PIGG: variants seen among roughly 807,000 people sequenced by gnomAD.
PIGG encodes phosphatidylinositol glycan anchor biosynthesis class G (EMM blood group), also known as GPI ethanolamine phosphate transferase 2, catalytic subunit.
A neutral mutation model predicts 83.2 loss-of-function variants in PIGG; 70 were observed. The ratio of observed to expected loss-of-function variants is 0.84; its 90% CI spans 0.69 to 1.03. The LOEUF is 1.03. Among genes scored for constraint, PIGG ranks in the 50% least tolerant of loss-of-function variants. The pLI, the probability that PIGG is intolerant of heterozygous loss-of-function variation, is 0.00. For synonymous variants in PIGG, 532 were observed against 519.5 expected, an observed-to-expected ratio of 1.02 and a Z score of -0.33; for missense variants, 1,257 against 1,233.6, an observed-to-expected ratio of 1.02 and a Z score of -0.28.
intron 6 of PIGG, among the ~76,000 whole-genome samples, chr4:519,751 T>A (rs1468151350): frequency 8.6e-6 from 1 of 115,834 alleles, no homozygotes; most frequent in South Asian, 3.5e-4. Flanking sequence ...AGCAGTGGGG[T>A]GGGCCTGCAG....
At chr4:514,467 C>T (rs1438436860) in intron 5 of PIGG, among the ~76,000 whole-genome samples, 1 of 152,176 alleles carries the variant, frequency 6.6e-6, no homozygotes, top group Non-Finnish European at 1.5e-5. Context: ...CTTTGCTTTA[C>T]TACAGTTTAC....
intron 12 of PIGG, among the ~76,000 whole-genome samples, chr4:538,820 G>C (rs1042007544): frequency 6.6e-6 from 1 of 152,174 alleles, no homozygotes; most frequent in Non-Finnish European, 1.5e-5. Context: ...GTGTGTGTGG[G>C]GGGGGACATG....
chr4:509,034 TA>T, intron 5 of PIGG, 64 bp downstream of exon 5: 2 of 1,434,504 alleles, frequency 1.4e-6, no homozygotes, highest in Non-Finnish European at 1.9e-6. Flanking sequence ...AGTCTGGTTT[TA>T]ATTTTGAAAA....
chr4:524,687 T>C (rs1204722969), intron 9 of PIGG: 2 of 152,136 alleles, frequency 1.3e-5, no homozygotes, highest in African/African-American at 4.8e-5. Flanking sequence ...CTTTTTTTTT[T>C]TTCTGAAACG....
At chr4:506,676 C>A in intron 3 of PIGG, 1 of 428,302 alleles carries the variant, frequency 2.3e-6, no homozygotes, top group Non-Finnish European at 4.8e-6. Context: ...GATGAGCTAG[C>A]TGAGGGGTCA....
chr4:510,594 A>G (rs1721570546), intron 5 of PIGG, among the ~76,000 whole-genome samples: 1 of 152,200 alleles, frequency 6.6e-6, no homozygotes, highest in Non-Finnish European at 1.5e-5. Flanking sequence ...AGAGCTAGGA[A>G]TGGTGGGGGC....
At chr4:507,848 C>T (rs1720323984) in intron 4 of PIGG, among the ~76,000 whole-genome samples, 1 of 152,238 alleles carries the variant, frequency 6.6e-6, no homozygotes, top group African/African-American at 2.4e-5. Flanking sequence ...CTCCTGAAGA[C>T]CTTTTGTGCC....
intron 5 of PIGG, among the ~76,000 whole-genome samples, chr4:511,895 G>T (rs1560298881): frequency 2.0e-5 from 3 of 152,168 alleles, no homozygotes; most frequent in African/African-American, 7.2e-5. Context: ...TTTTCTTTCA[G>T]CACTTTGAAT....
intron 5 of PIGG, among the ~76,000 whole-genome samples, chr4:513,682 C>T (rs1190258203): frequency 3.3e-5 from 5 of 152,050 alleles, no homozygotes; most frequent in Admixed American, 1.3e-4. Flanking sequence ...AGGTAGAGAC[C>T]GGCGGTGAAA....
chr4:539,047 A>C (rs1731439858), intron 12 of PIGG, 106 bp from the exon 13 acceptor site: 6 of 712,630 alleles, frequency 8.4e-6, no homozygotes, highest in Non-Finnish European at 1.2e-5. Flanking sequence ...GGTGCCCTCT[A>C]CTCCAAGGGC....
At position 523,585 on chromosome 4, in the gene PIGG, C is replaced by T. The variant is rs1165191840; in HGVS notation, c.1741C>T (p.Leu581Phe). ...GGAGGAGCACCAGACCTGGTACTTC[C>T]TTGTGAACACCCTGTGTCTAGCTCT... ...VEEEHQTWYFLVNTLCLALSQ... is the reference protein window; with the variant it reads ...VEEEHQTWYFFVNTLCLALSQ... The change falls in exon 9 of 13, where the codon CTT (leucine) becomes TTT (phenylalanine). Residue 581 changes from leucine to phenylalanine, a missense_variant. Leu to Phe is a conservative substitution (Grantham distance 22). Coordinates refer to ENST00000453061, the MANE Select transcript of PIGG (RefSeq NM_001127178.3). 1 of 1,614,134 alleles carries T rather than the reference C, an allele frequency of 6.2e-7. No homozygotes were observed. The highest frequency in any genetic ancestry group is 8.5e-7 in the Non-Finnish European group (1 of 1,180,000).
At chr4:520,913 A>T (rs1034164313) in intron 6 of PIGG, 143 bp from the exon 7 acceptor site, 5 of 642,638 alleles carry the variant, frequency 7.8e-6, no homozygotes, top group African/African-American at 7.3e-5. Flanking sequence ...ACCCAAAGGA[A>T]TGATTGATCT....
intron 2 of PIGG, chr4:501,756 A>G (rs1717823079): frequency 6.5e-6 from 1 of 153,524 alleles, no homozygotes; most frequent in Non-Finnish European, 1.4e-5. Flanking sequence ...TTTATTGAGC[A>G]TCTACTGTGT....
At chr4:527,742 G>T in intron 10 of PIGG, 1 of 985,322 alleles carries the variant, frequency 1.0e-6, no homozygotes, top group Non-Finnish European at 1.2e-6. Flanking sequence ...GTTGATTGGC[G>T]GGAGGGCTCA....
At chr4:522,076 AG>A (rs1257703026) in intron 8 of PIGG, 135 bp downstream of exon 8, 24 of 895,626 alleles carry the variant, frequency 2.7e-5, no homozygotes, top group Middle Eastern at 2.1e-4. Context: ...TGCCCTGGAC[AG>A]GGGGCCTCAG....
chr4:528,441 GGGCA>G lies in PIGG; in HGVS notation c.2261+1212_2261+1215del. The G allele has an allele frequency of 1.0e-6, 1 of 985,386 alleles. No individual in the cohort carries two copies. The highest frequency in any genetic ancestry group is 1.2e-6 in the Non-Finnish European group (1 of 829,910). 61.0% of individuals were successfully genotyped at this position (985,386 alleles called of 1,614,324 possible). A position where few individuals can be genotyped will look rare whatever the true frequency, so the allele number is the denominator to read the frequency against. The stretch of plus-strand genomic sequence containing the variant: ...CTGAGGGGTGGCCGTGGGGCTCCGG[GGGCA>G]CCCCTGGAAGTACTTCCTGGCTGAG... On this transcript the variant is annotated intron_variant, in intron 10 of 12. Coordinates refer to ENST00000453061, the MANE Select transcript of PIGG (RefSeq NM_001127178.3). This position sits in a 1 kb window ranked among gnomAD's most constrained non-coding sequence, Gnocchi z 4.8.
chr4:505,783 G>A lies in PIGG; in HGVS notation c.426G>A (p.Leu142=). The A allele has an allele frequency of 1.2e-6, 2 of 1,613,644 alleles. No homozygotes were observed. Among genetic ancestry groups the A allele is most frequent in the East Asian group, 2.2e-5 (1 of 44,872 alleles). The part of the protein sequence containing the change: ...DVIRNLNSPA[L]LEDSVIRQAK... ...TCAGGAACCTCAATTCTCCTGCACT[G>A]CTGGAAGACAGTGTGATAAGACAAG... Residue 142 remains leucine (L), a synonymous_variant, in exon 3 of 13, where the codon CTG becomes CTA. Transcript: ENST00000453061.
In PIGG at chr4:528,579, T is replaced by G. The variant is rs1006179780; in HGVS notation, c.2261+1349T>G. 1 of 985,298 alleles carries G rather than the reference T, an allele frequency of 1.0e-6. No individual in the cohort carries two copies. The highest frequency in any genetic ancestry group is 1.7e-5 in the African/African-American group (1 of 57,232). The allele number at this position is 985,298 out of a possible 1,614,324, so 61.0% of individuals were successfully genotyped here. A position where few individuals can be genotyped will look rare whatever the true frequency, so the allele number is the denominator to read the frequency against. On this transcript the variant is annotated intron_variant, in intron 10 of 12. Transcript: ENST00000453061. The surrounding 1 kb of genome is among the most constrained non-coding windows in gnomAD (Gnocchi z 4.8). The stretch of plus-strand genomic sequence containing the variant: ...GCCTGGGGCAGAGAGGATGCTGACG[T>G]GCAGGTACCAGCGGTGTTCTGTGGA...
chr4:528,575 G>A lies in PIGG; in HGVS notation c.2261+1345G>A. 1.0e-6 allele frequency: 1 copy of A among 985,432 alleles called. No individual in the cohort carries two copies. The highest frequency in any genetic ancestry group is 1.7e-5 in the African/African-American group (1 of 57,366). The allele number at this position is 985,432 out of a possible 1,614,324, so 61.0% of individuals were successfully genotyped here. ...CGGGGCCTGGGGCAGAGAGGATGCT[G>A]ACGTGCAGGTACCAGCGGTGTTCTG... On this transcript the variant is annotated intron_variant, in intron 10 of 12. Transcript: ENST00000453061. This position sits in a 1 kb window ranked among gnomAD's most constrained non-coding sequence, Gnocchi z 4.8.
Sources: gnomAD v4.1 joint callset for allele counts (sites outside exome capture counted in the v4.1 genomes callset) on GRCh38, gnomAD v4.1.1 for gene constraint, Gnocchi (gnomAD v3.1) non-coding constraint, MANE v1.5 for transcripts, NCBI Gene and HGNC (gene_info 2026-07-23, HGNC 2026-07-21) for gene names.